Variants in FUT8 observed in about 807,000 individuals in gnomAD.
FUT8 encodes alpha-(1,6)-fucosyltransferase.
A neutral mutation model predicts 71.3 loss-of-function variants in FUT8; 29 were observed. The observed-to-expected ratio is 0.41, with a 90% CI of 0.30 to 0.55. FUT8 has a LOEUF of 0.55. Ranked by LOEUF, FUT8 falls within the 20% of genes least tolerant of loss-of-function variation. FUT8 has a pLI of 0.34. For synonymous variants in FUT8, 254 were observed against 239.3 expected, an observed-to-expected ratio of 1.06 and a Z score of -0.57; for missense variants, 544 against 702.1, an observed-to-expected ratio of 0.77 and a Z score of 2.55.
intron 5 of FUT8, among the ~76,000 whole-genome samples, chr14:65,619,605 A>T (rs1042099288): frequency 2.0e-5 from 3 of 152,342 alleles, no homozygotes; most frequent in African/African-American, 7.2e-5. Context: ...ATCAACTGGT[A>T]GTAATTAGTA....
intron 6 of FUT8, among the ~76,000 whole-genome samples, chr14:65,664,734 T>C (rs1191758158): frequency 2.0e-5 from 3 of 152,130 alleles, no homozygotes; most frequent in African/African-American, 7.2e-5. Flanking sequence ...AAAATAGTTT[T>C]AGAGTTGATG....
chr14:65,703,213 C>T (rs536461782), intron 7 of FUT8, among the ~76,000 whole-genome samples: 99 of 152,288 alleles, frequency 6.5e-4, no homozygotes, highest in African/African-American at 2.2e-3. Flanking sequence ...CTGTACAAAG[C>T]ATTGTCTTTT....
At chr14:65,630,955 A>C (rs1182612273) in intron 6 of FUT8, among the ~76,000 whole-genome samples, 1 of 152,226 alleles carries the variant, frequency 6.6e-6, no homozygotes, top group Non-Finnish European at 1.5e-5. Flanking sequence ...ACAGCCAGTG[A>C]TATGGTTCTG....
Position 65,643,690 on chromosome 14 carries a change from A to G in FUT8, c.597+14084A>G, listed in dbSNP as rs1490886416. 1.4e-5 allele frequency among the ~76,000 whole-genome samples: 2 copies of G among 145,124 alleles called. No homozygotes were observed. The highest frequency in any genetic ancestry group is 2.8e-5 in the African/African-American group (1 of 35,666). On this transcript the variant is annotated intron_variant, in intron 6 of 10. Transcript: ENST00000673929. The surrounding 1 kb of genome is among the most constrained non-coding windows in gnomAD (Gnocchi z 4.5). ...TACACACACACACACACACACACACACACACACACACACACACACACACAC... is the reference window on the plus strand; with the variant it reads ...TACACACACACACACACACACACACGCACACACACACACACACACACACAC...
intron 1 of FUT8, among the ~76,000 whole-genome samples, chr14:65,442,991 T>TA (rs2065684241): frequency 1.3e-5 from 2 of 152,114 alleles, no homozygotes; most frequent in South Asian, 2.1e-4. Context: ...ATTCATTAAG[T>TA]ATAGAAAATG....
rs2066060901 is a variant in FUT8 at position 65,467,401 on chromosome 14, G to A, written c.-228+11683G>A. ...CAACCACTGCCTCCCGGGTTCAAGC[G>A]ATTCTCCTGCCTCAGCCTCCTAAGT... On this transcript the variant is annotated intron_variant, in intron 2 of 10. Transcript: ENST00000673929. This position sits in a 1 kb window ranked among gnomAD's most constrained non-coding sequence, Gnocchi z 4.1. Among the ~76,000 whole-genome samples, 1 of 152,058 alleles carries A rather than the reference G, an allele frequency of 6.6e-6. No homozygotes were observed. The highest frequency in any genetic ancestry group is 1.5e-5 in the Non-Finnish European group (1 of 67,990).
intron 2 of FUT8, among the ~76,000 whole-genome samples, chr14:65,542,480 C>G (rs1884732317): frequency 1.3e-5 from 2 of 152,238 alleles, no homozygotes; most frequent in South Asian, 4.1e-4. Flanking sequence ...ATTTGTTTCC[C>G]TTATTTTGTG....
chr14:65,497,198 T>C (rs1049334088), intron 2 of FUT8, among the ~76,000 whole-genome samples: 1 of 152,176 alleles, frequency 6.6e-6, no homozygotes, highest in Non-Finnish European at 1.5e-5. Context: ...TTTCTATATG[T>C]TGATTCCTTA....
intron 1 of FUT8, among the ~76,000 whole-genome samples, chr14:65,435,784 C>A (rs762250088): frequency 7.0e-6 from 1 of 143,072 alleles, no homozygotes; most frequent in Non-Finnish European, 1.5e-5. Flanking sequence ...GTATCTGTTC[C>A]TTTTTCTTTC....
At chr14:65,710,407 G>A (rs923313828) in intron 7 of FUT8, among the ~76,000 whole-genome samples, 2 of 152,072 alleles carry the variant, frequency 1.3e-5, no homozygotes, top group Non-Finnish European at 2.9e-5. Flanking sequence ...GGTAAATCAA[G>A]TAAAAGAAGG....
At chr14:65,431,027 C>T (rs1003552909) in intron 1 of FUT8, among the ~76,000 whole-genome samples, 3 of 139,360 alleles carry the variant, frequency 2.2e-5, no homozygotes, top group Non-Finnish European at 4.6e-5. Context: ...CAGAGTTTCA[C>T]TCTTGCTGCC....
At chr14:65,661,173 C>G (rs998403383) in intron 6 of FUT8, among the ~76,000 whole-genome samples, 1 of 152,052 alleles carries the variant, frequency 6.6e-6, no homozygotes, top group Non-Finnish European at 1.5e-5. Flanking sequence ...GGAAGGATCT[C>G]CTGGGGTTCT....
chr14:65,462,796 A>G (rs1342369661), intron 2 of FUT8, among the ~76,000 whole-genome samples: 1 of 152,270 alleles, frequency 6.6e-6, no homozygotes. Flanking sequence ...CAATGACTAC[A>G]TATTGATGAT....
chr14:65,655,269 C>T (rs1489171333), intron 6 of FUT8, among the ~76,000 whole-genome samples: 1 of 151,446 alleles, frequency 6.6e-6, no homozygotes, highest in Non-Finnish European at 1.5e-5. Flanking sequence ...GTCAGGAGAT[C>T]GAGACCATTC....
chr14:65,411,717 A>G (rs2065125913), upstream of FUT8: 1 of 278,026 alleles, frequency 3.6e-6, no homozygotes, highest in Non-Finnish European at 7.0e-6. Context: ...CCCACCGTAA[A>G]GCGCCCCAGG....
At chr14:65,568,749 C>G (rs367956611) in intron 3 of FUT8, among the ~76,000 whole-genome samples, 16 of 151,088 alleles carry the variant, frequency 1.1e-4, no homozygotes, top group Non-Finnish European at 2.1e-4. Context: ...GTATATATGT[C>G]ATTTAAGTTA....
chr14:65,684,545 A>G (rs1893184066), intron 7 of FUT8, among the ~76,000 whole-genome samples: 1 of 152,224 alleles, frequency 6.6e-6, no homozygotes, highest in Non-Finnish European at 1.5e-5. Context: ...TCTGTTGTCA[A>G]GGGCAAACTA....
rs1339392087 is a variant in FUT8, at chr14:65,744,008, C to T, written c.*1598C>T. 6.6e-6 allele frequency: 1 copy of T among 151,866 alleles called. No homozygotes were observed. The highest frequency in any genetic ancestry group is 1.5e-5 in the Non-Finnish European group (1 of 67,860). 9.4% of individuals were successfully genotyped at this position (151,866 alleles called of 1,614,324 possible). Reference sequence around the variant, plus strand: ...TATAAAATTTCACCACCAAACTTAACTAAATTCTTTTTCTCAAGTCAAGCC... The same window carrying T: ...TATAAAATTTCACCACCAAACTTAATTAAATTCTTTTTCTCAAGTCAAGCC... On this transcript the variant is annotated 3_prime_UTR_variant, in exon 11 of 11. Coordinates refer to ENST00000673929, the MANE Select transcript of FUT8 (RefSeq NM_001371533.1).
At chr14:65,476,446 TAATGTGTGA>T (rs543401566) in intron 2 of FUT8, among the ~76,000 whole-genome samples, 10 of 152,268 alleles carry the variant, frequency 6.6e-5, no homozygotes, top group Admixed American at 2.6e-4. Context: ...GTCAGTCTGT[TAATGTGTGA>T]AATGTTTTGA....
Sources: allele counts gnomAD v4.1 joint callset (sites outside exome capture counted in the v4.1 genomes callset), GRCh38; gene constraint gnomAD v4.1.1; non-coding constraint Gnocchi (gnomAD v3.1); transcripts MANE v1.5; gene names NCBI Gene and HGNC (gene_info 2026-07-23, HGNC 2026-07-21).